MARCHF1: variants seen among roughly 807,000 people sequenced by gnomAD.
MARCHF1 encodes the protein membrane associated ring-CH-type finger 1, also known as E3 ubiquitin-protein ligase MARCHF1.
In MARCHF1, 40 loss-of-function variants were observed where a neutral mutation model predicts 54.2. The ratio of observed to expected loss-of-function variants is 0.74; its 90% CI spans 0.57 to 0.96. The LOEUF (loss-of-function observed/expected upper bound fraction) is 0.96, where lower values mean the gene tolerates loss of function less well. Among genes scored for constraint, MARCHF1 ranks in the 40% least tolerant of loss-of-function variants. The probability of loss-of-function intolerance (pLI) is 0.00; values close to 1 mark genes in which losing one functional copy is unlikely to be tolerated. For synonymous variants in MARCHF1, 236 were observed against 236.3 expected, an observed-to-expected ratio of 1.00 and a Z score of 0.01; for missense variants, 586 against 656.5, an observed-to-expected ratio of 0.89 and a Z score of 1.17.
intron 1 of MARCHF1, chr4:164,190,282 G>A: frequency 1.2e-6 from 1 of 842,700 alleles, no homozygotes; most frequent in Non-Finnish European, 2.0e-6. Flanking sequence ...CTCTATGGAA[G>A]TGCAAGCCCT....
intron 8 of MARCHF1, among the ~76,000 whole-genome samples, chr4:163,549,028 C>G (rs758955044): frequency 2.9e-4 from 44 of 152,282 alleles, no homozygotes; most frequent in South Asian, 8.3e-4. Flanking sequence ...GGCCCTGTTA[C>G]CAGGAGTATA....
intron 5 of MARCHF1, among the ~76,000 whole-genome samples, chr4:163,642,775 C>T (rs1032247216): frequency 2.0e-5 from 3 of 152,082 alleles, no homozygotes; most frequent in Admixed American, 6.6e-5. Flanking sequence ...TTCCTAAAAA[C>T]ACCTGTATCT....
chr4:164,187,427 G>C (rs539564465), intron 1 of MARCHF1, among the ~76,000 whole-genome samples: 14 of 152,268 alleles, frequency 9.2e-5, no homozygotes, highest in Admixed American at 3.3e-4. Flanking sequence ...GATTTCCAAC[G>C]CTCCTCAGTT....
Position 164,324,458 on chromosome 4 carries a change from G to A in MARCHF1, c.-323+59412C>T, listed in dbSNP as rs1013764863. ...AAATAAAATTGTCTGTATAAATCAC[G>A]AAAAAGAATATATAAAACTTTGATG... On this transcript the variant is annotated intron_variant, in intron 1 of 9. Coordinates refer to ENST00000514618, the MANE Select transcript of MARCHF1 (RefSeq NM_001394959.1). Among the ~76,000 whole-genome samples, 11 of 151,480 alleles carry A rather than the reference G, an allele frequency of 7.3e-5. 1 individual carries two copies. The East Asian group carries it at 1.2e-3, about 16-fold the overall frequency.
intron 4 of MARCHF1, among the ~76,000 whole-genome samples, chr4:163,811,450 G>T (rs1748383578): frequency 6.6e-6 from 1 of 152,076 alleles, no homozygotes; most frequent in South Asian, 2.1e-4. Context: ...AGGGAGGATT[G>T]CTTGAACCCA....
intron 7 of MARCHF1, among the ~76,000 whole-genome samples, chr4:163,606,224 T>C (rs1741136846): frequency 6.6e-6 from 1 of 152,088 alleles, no homozygotes; most frequent in Non-Finnish European, 1.5e-5. Flanking sequence ...GAATTCAATG[T>C]TCTTTACTTG....
chr4:163,912,987 T>C (rs750591033), intron 3 of MARCHF1, among the ~76,000 whole-genome samples: 16 of 152,228 alleles, frequency 1.1e-4, no homozygotes, highest in Non-Finnish European at 2.1e-4. Flanking sequence ...AAATGACACA[T>C]TATAAAATTT....
intron 1 of MARCHF1, among the ~76,000 whole-genome samples, chr4:164,264,550 T>A (rs1042153451): frequency 6.6e-6 from 1 of 151,804 alleles, no homozygotes; most frequent in African/African-American, 2.4e-5. Context: ...GAAAAACACA[T>A]ATCTTTCATT....
intron 5 of MARCHF1, among the ~76,000 whole-genome samples, chr4:163,635,710 T>C (rs1227684013): frequency 4.6e-5 from 7 of 151,482 alleles, no homozygotes; most frequent in South Asian, 2.1e-4. Context: ...TTCCAATCAA[T>C]AGAAAAAGAG....
chr4:163,730,248 G>C (rs1667831787), intron 4 of MARCHF1, among the ~76,000 whole-genome samples: 1 of 152,010 alleles, frequency 6.6e-6, no homozygotes, highest in Non-Finnish European at 1.5e-5. Flanking sequence ...TGTTGTGTCA[G>C]ATTGCTTAAC....
At chr4:163,879,057 T>C (rs997041282) in intron 3 of MARCHF1, among the ~76,000 whole-genome samples, 1 of 152,208 alleles carries the variant, frequency 6.6e-6, no homozygotes, top group Non-Finnish European at 1.5e-5. Flanking sequence ...AATTAAATCA[T>C]GAACAGTAAA....
At chr4:164,130,729 G>A (rs1423188664) in intron 1 of MARCHF1, among the ~76,000 whole-genome samples, 1 of 152,106 alleles carries the variant, frequency 6.6e-6, no homozygotes, top group African/African-American at 2.4e-5. Flanking sequence ...GGCTGTGAGT[G>A]GCCACACCTT....
At position 164,072,194 on chromosome 4, in the gene MARCHF1, G is replaced by A. The variant is rs79691706; in HGVS notation, c.-248+39394C>T. On this transcript the variant is annotated intron_variant, in intron 2 of 9. Transcript: ENST00000514618. ...GTAACACAGAAACTGCCGATATTACGTCGTAATTTGTTTCCTTATAACAAA... is the reference window on the plus strand; with the variant it reads ...GTAACACAGAAACTGCCGATATTACATCGTAATTTGTTTCCTTATAACAAA... Among the ~76,000 whole-genome samples, 74 of 152,236 alleles carry A rather than the reference G, an allele frequency of 4.9e-4. 1 individual carries two copies. The East Asian group carries it at 8.5e-3, about 17-fold the overall frequency.
intron 1 of MARCHF1, among the ~76,000 whole-genome samples, chr4:164,311,129 A>T (rs532945843): frequency 2.0e-5 from 3 of 152,274 alleles, no homozygotes; most frequent in African/African-American, 4.8e-5. Flanking sequence ...GTATGCTAAC[A>T]GGTGAGTGCT....
chr4:164,057,189 G>C (rs1330118901), intron 2 of MARCHF1, among the ~76,000 whole-genome samples: 1 of 152,186 alleles, frequency 6.6e-6, no homozygotes, highest in Non-Finnish European at 1.5e-5. Flanking sequence ...AAATAATGTA[G>C]CTGGTCTTGC....
intron 4 of MARCHF1, among the ~76,000 whole-genome samples, chr4:163,832,881 G>T (rs1749071140): frequency 6.6e-6 from 1 of 151,678 alleles, no homozygotes; most frequent in Non-Finnish European, 1.5e-5. Flanking sequence ...GAGAATGATG[G>T]TTTCCAGGTT....
chr4:163,815,279 A>G (rs1476778858), intron 4 of MARCHF1, among the ~76,000 whole-genome samples: 1 of 152,224 alleles, frequency 6.6e-6, no homozygotes, highest in African/African-American at 2.4e-5. Flanking sequence ...AGTTTTATTT[A>G]AAACTGTCAT....
In MARCHF1 at chr4:164,049,500, C is replaced by G. The variant is rs149354237; in HGVS notation, c.-247-60791G>C. 4.6e-5 allele frequency among the ~76,000 whole-genome samples: 7 copies of G among 152,096 alleles called. 1 individual carries two copies. Among genetic ancestry groups the G allele is most frequent in the African/African-American group, 1.7e-4 (7 of 41,460 alleles). On this transcript the variant is annotated intron_variant, in intron 2 of 9. Transcript: ENST00000514618. ...AGAGGTTAATGACTAAATTTACACA[C>G]CTGCTAAAAATTAGCACAAGTACTA...
chr4:164,262,008 G>A (rs568502523), intron 1 of MARCHF1, among the ~76,000 whole-genome samples: 2 of 151,660 alleles, frequency 1.3e-5, no homozygotes, highest in Admixed American at 6.6e-5. Context: ...AGGAGGCAGA[G>A]GCAAGAGGAT....
Sources: gnomAD v4.1 joint callset for allele counts (sites outside exome capture counted in the v4.1 genomes callset) on GRCh38, gnomAD v4.1.1 for gene constraint, MANE v1.5 for transcripts, NCBI Gene and HGNC (gene_info 2026-07-23, HGNC 2026-07-21) for gene names.